Variants in GNG7 observed in about 807,000 individuals in gnomAD.
The protein encoded by GNG7 is G protein subunit gamma 7.
Under a neutral mutation model 4.0 loss-of-function variants are expected in GNG7, and 1 was observed. The ratio of observed to expected loss-of-function variants is 0.25; its 90% CI spans 0.09 to 1.18. The LOEUF (loss-of-function observed/expected upper bound fraction) is 1.18, where lower values mean the gene tolerates loss of function less well. Among genes scored for constraint, GNG7 ranks in the 50% most tolerant of loss-of-function variants. GNG7 has a pLI of 0.50. For synonymous variants in GNG7, 34 were observed against 36.9 expected, an observed-to-expected ratio of 0.92 and a Z score of 0.29; for missense variants, 86 against 91.9, an observed-to-expected ratio of 0.94 and a Z score of 0.26.
rs141909524 is a variant in GNG7, at chr19:2,570,258, G to A, written c.-77-15070C>T. 8.7e-4 allele frequency among the ~76,000 whole-genome samples: 132 copies of A among 152,314 alleles called. 1 individual carries two copies. The highest frequency in any genetic ancestry group is 3.0e-3 in the African/African-American group (126 of 41,576). ...TCCTGAGGCCTCACCAGAAGCCCAG[G>A]AGATGCTGGCACCATGCTTGTATGG... is the stretch of plus-strand genomic sequence containing the variant. On this transcript the variant is annotated intron_variant, in intron 2 of 4. Coordinates refer to ENST00000382159, the MANE Select transcript of GNG7 (RefSeq NM_052847.3).
intron 2 of GNG7, among the ~76,000 whole-genome samples, chr19:2,596,076 C>T (rs544529216): frequency 2.8e-4 from 43 of 151,686 alleles, no homozygotes; most frequent in Admixed American, 2.7e-3. Flanking sequence ...AACTAGTGGG[C>T]GGCCGGGCGC....
At chr19:2,554,018 AT>A (rs1317672351) in intron 3 of GNG7, among the ~76,000 whole-genome samples, 5 of 146,700 alleles carry the variant, frequency 3.4e-5, no homozygotes, top group Admixed American at 6.9e-5. Context: ...TATTATATGT[AT>A]ATATGTATAC....
At chr19:2,564,160 A>G (rs1371385820) in intron 2 of GNG7, among the ~76,000 whole-genome samples, 1 of 152,188 alleles carries the variant, frequency 6.6e-6, no homozygotes, top group Non-Finnish European at 1.5e-5. Flanking sequence ...GTCCTCCTGG[A>G]AGCTTGGCAC....
intron 3 of GNG7, among the ~76,000 whole-genome samples, chr19:2,534,167 C>T (rs1215874668): frequency 6.6e-6 from 1 of 152,082 alleles, no homozygotes; most frequent in African/African-American, 2.4e-5. Context: ...TGTGACTGGT[C>T]CAATGTCAGT....
intron 1 of GNG7, among the ~76,000 whole-genome samples, chr19:2,671,556 G>A (rs1983453164): frequency 1.3e-5 from 2 of 152,004 alleles, no homozygotes; most frequent in African/African-American, 4.8e-5. Flanking sequence ...TGAGCTCCGA[G>A]GCCATGTCCA....
At chr19:2,539,643 G>A (rs867433059) in intron 3 of GNG7, among the ~76,000 whole-genome samples, 29 of 152,048 alleles carry the variant, frequency 1.9e-4, no homozygotes, top group African/African-American at 6.5e-4. Context: ...TCCAATGGGG[G>A]ATGGACACAC....
chr19:2,694,532 A>G (rs1279135395), intron 1 of GNG7, among the ~76,000 whole-genome samples: 1 of 151,738 alleles, frequency 6.6e-6, no homozygotes, highest in Non-Finnish European at 1.5e-5. Flanking sequence ...GGGAGCCCCT[A>G]CATTATTTGG....
intron 2 of GNG7, among the ~76,000 whole-genome samples, chr19:2,641,218 C>G (rs1456676338): frequency 6.6e-6 from 1 of 152,130 alleles, no homozygotes; most frequent in Non-Finnish European, 1.5e-5. Context: ...GGTGAGTGAC[C>G]AGGCAAGGGA....
chr19:2,632,445 A>G (rs1168575854), intron 2 of GNG7: 3 of 150,788 alleles, frequency 2.0e-5, no homozygotes, highest in African/African-American at 7.4e-5. Context: ...AAAAAAAAAC[A>G]AAAAAACCCA....
At position 2,540,418 on chromosome 19, in the gene GNG7, C is replaced by T. The variant is rs373966601; in HGVS notation, c.-38+14731G>A. Among the ~76,000 whole-genome samples, 837 of 152,292 alleles carry T rather than the reference C, an allele frequency of 5.5e-3. 7 individuals are homozygous for T. The highest frequency in any genetic ancestry group is 0.023 in the South Asian group (111 of 4,830). ...CCTCCTGCCTCAGCCTCCCAAAGTG[C>T]TGGGATTACAGACGGAGCCTCCACA... is the stretch of plus-strand genomic sequence containing the variant. On this transcript the variant is annotated intron_variant, in intron 3 of 4. Transcript: ENST00000382159.
At chr19:2,676,995 C>T (rs977736047) in intron 1 of GNG7, among the ~76,000 whole-genome samples, 2 of 152,126 alleles carry the variant, frequency 1.3e-5, no homozygotes, top group Non-Finnish European at 2.9e-5. Flanking sequence ...CAAAGCAAGG[C>T]ATTCTCCTGG....
chr19:2,690,571 T>C (rs1332797666), intron 1 of GNG7, among the ~76,000 whole-genome samples: 1 of 151,960 alleles, frequency 6.6e-6, no homozygotes, highest in Non-Finnish European at 1.5e-5. Context: ...TGAGTTTTTC[T>C]ATTTCAACCT....
intron 2 of GNG7, among the ~76,000 whole-genome samples, chr19:2,572,146 C>T (rs1391475743): frequency 6.6e-6 from 1 of 151,412 alleles, no homozygotes; most frequent in South Asian, 2.1e-4. Context: ...CTCAGCCTGC[C>T]GAGTGGCTGG....
chr19:2,525,142 G>C (rs911111522), intron 3 of GNG7, among the ~76,000 whole-genome samples: 14 of 152,194 alleles, frequency 9.2e-5, no homozygotes, highest in African/African-American at 3.4e-4. Context: ...CCCTGCAGAG[G>C]CGCACGGGTG....
At chr19:2,571,736 T>C (rs545148617) in intron 2 of GNG7, among the ~76,000 whole-genome samples, 79 of 151,710 alleles carry the variant, frequency 5.2e-4, no homozygotes, top group African/African-American at 1.8e-3. Flanking sequence ...GCTGGGATTA[T>C]AGGCGAGTGC....
In GNG7 at chr19:2,611,903, C is replaced by T. The variant is rs1295662767; in HGVS notation, c.-78+34321G>A. On this transcript the variant is annotated intron_variant, in intron 2 of 4. Coordinates refer to ENST00000382159, the MANE Select transcript of GNG7 (RefSeq NM_052847.3). The surrounding 1 kb of genome is among the most constrained non-coding windows in gnomAD (Gnocchi z 6.0). ...ATCTTTTTTTTTTTTGAGATGGAGTCTCGCTCTGTCACCAGGCTGAAGTGC... is the reference window on the plus strand; with the variant it reads ...ATCTTTTTTTTTTTTGAGATGGAGTTTCGCTCTGTCACCAGGCTGAAGTGC... 6.6e-6 allele frequency: 1 copy of T among 150,814 alleles called. No individual in the cohort carries two copies. Among genetic ancestry groups the T allele is most frequent in the African/African-American group, 2.4e-5 (1 of 41,036 alleles). 9.3% of individuals were successfully genotyped at this position (150,814 alleles called of 1,614,324 possible). A position where few individuals can be genotyped will look rare whatever the true frequency, so the allele number is the denominator to read the frequency against.
At chr19:2,624,750 AAGGAGGGAAGG>A (rs939897960) in intron 2 of GNG7, among the ~76,000 whole-genome samples, 96 of 152,194 alleles carry the variant, frequency 6.3e-4, no homozygotes, top group African/African-American at 2.2e-3. Flanking sequence ...GCCTTCTGGG[AAGGAGGGAAGG>A]AGGGAGGCTT....
intron 2 of GNG7, among the ~76,000 whole-genome samples, chr19:2,620,796 G>C (rs756003324): frequency 1.3e-5 from 2 of 152,138 alleles, no homozygotes; most frequent in Non-Finnish European, 2.9e-5. Context: ...AGCCGAAATC[G>C]TGCCATTGCA....
At chr19:2,658,219 G>A (rs768133840) in intron 1 of GNG7, among the ~76,000 whole-genome samples, 3 of 152,010 alleles carry the variant, frequency 2.0e-5, no homozygotes, top group Admixed American at 6.6e-5. Flanking sequence ...GTTCTCAAAC[G>A]CCCCTCACCC....
Sources: allele counts gnomAD v4.1 joint callset (sites outside exome capture counted in the v4.1 genomes callset), GRCh38; gene constraint gnomAD v4.1.1; non-coding constraint Gnocchi (gnomAD v3.1); transcripts MANE v1.5; gene names NCBI Gene and HGNC (gene_info 2026-07-23, HGNC 2026-07-21).